Variants in ZSCAN25 observed in about 807,000 individuals in gnomAD.
ZSCAN25 encodes the protein zinc finger and SCAN domain containing 25, also known as zinc finger and SCAN domain-containing protein 25.
In ZSCAN25, 27 loss-of-function variants were observed where a neutral mutation model predicts 38.7. The ratio of observed to expected loss-of-function variants is 0.70; its 90% confidence interval spans 0.51 to 0.96. The LOEUF (loss-of-function observed/expected upper bound fraction) is 0.96, where lower values mean the gene tolerates loss of function less well. Among genes scored for constraint, ZSCAN25 ranks in the 40% least tolerant of loss-of-function variants. ZSCAN25 has a pLI of 0.00. For missense variants in ZSCAN25, 637 were observed against 705.9 expected, an observed-to-expected ratio of 0.90 and a Z score of 1.11; for synonymous variants, 273 against 277.7, an observed-to-expected ratio of 0.98 and a Z score of 0.17.
chr7:99,698,218 C>G, the ZSCAN25 span, among the ~76,000 whole-genome samples: 2 of 152,234 alleles, frequency 1.3e-5, no homozygotes, highest in African/African-American at 4.8e-5. Flanking sequence ...CCAGCATTGT[C>G]TAAGGCTAAG....
chr7:99,729,824 C>A, the ZSCAN25 span, among the ~76,000 whole-genome samples: 1 of 152,184 alleles, frequency 6.6e-6, no homozygotes, highest in African/African-American at 2.4e-5. Flanking sequence ...CCCCTATCTC[C>A]CCTTGCTGAC....
At chr7:99,691,403 C>A in the ZSCAN25 span, among the ~76,000 whole-genome samples, 3 of 152,104 alleles carry the variant, frequency 2.0e-5, no homozygotes, top group Non-Finnish European at 4.4e-5. Context: ...TGTAACAAAC[C>A]TGCACATTGT....
the ZSCAN25 span, chr7:99,735,184 C>T: frequency 6.3e-3 from 9,586 of 1,527,170 alleles, 95 homozygotes; most frequent in South Asian, 0.03. Context: ...GCTTTCCTGC[C>T]CTGCACAGCA....
chr7:99,636,387 A>T (rs562265136), downstream of ZSCAN25, among the ~76,000 whole-genome samples: 16 of 152,346 alleles, frequency 1.1e-4, no homozygotes, highest in African/African-American at 3.4e-4. Flanking sequence ...ACATGAGAAT[A>T]ACCTTTTGCA....
At chr7:99,727,987 G>A in the ZSCAN25 span, among the ~76,000 whole-genome samples, 1 of 152,194 alleles carries the variant, frequency 6.6e-6, no homozygotes, top group African/African-American at 2.4e-5. Flanking sequence ...AAGGGCCTCA[G>A]ACCCCATTGC....
chr7:99,670,132 T>C, the ZSCAN25 span, among the ~76,000 whole-genome samples: 1 of 152,196 alleles, frequency 6.6e-6, no homozygotes, highest in Non-Finnish European at 1.5e-5. Flanking sequence ...GATGGTTAAG[T>C]CAAGGCAAAA....
the ZSCAN25 span, among the ~76,000 whole-genome samples, chr7:99,686,779 C>T: frequency 6.6e-6 from 1 of 152,114 alleles, no homozygotes; most frequent in Non-Finnish European, 1.5e-5. Flanking sequence ...CAGACTGACA[C>T]CTCACACGGC....
At position 99,632,316 on chromosome 7, in the gene ZSCAN25, G is replaced by C; in HGVS notation, c.*2296G>C. ...GTTTTCTGTATTTTTCTATTCTTTA[G>C]AAATTTTTTTATAATAGATAATTTC... is the stretch of plus-strand genomic sequence containing the variant. On this transcript the variant is annotated 3_prime_UTR_variant, in exon 8 of 8. Coordinates refer to ENST00000394152, the MANE Select transcript of ZSCAN25 (RefSeq NM_145115.3). The C allele has an allele frequency of 1.1e-6, 1 of 907,484 alleles. No individual in the cohort carries two copies. Among genetic ancestry groups the C allele is most frequent in the South Asian group, 5.1e-5 (1 of 19,724 alleles). The allele number at this position is 907,484 out of a possible 1,614,324, so 56.2% of individuals were successfully genotyped here.
chr7:99,665,481 T>C, the ZSCAN25 span, among the ~76,000 whole-genome samples: 157 of 152,366 alleles, frequency 1.0e-3, no homozygotes, highest in Admixed American at 1.6e-3. Flanking sequence ...GGTGGTTATC[T>C]GGTGCCAGTG....
chr7:99,677,185 T>C, the ZSCAN25 span: 1 of 985,414 alleles, frequency 1.0e-6, no homozygotes, highest in African/African-American at 1.7e-5. Flanking sequence ...CTCCAACTGA[T>C]GGTTCTGGAT....
At chr7:99,643,497 T>A in the ZSCAN25 span, among the ~76,000 whole-genome samples, 2 of 151,970 alleles carry the variant, frequency 1.3e-5, no homozygotes, top group Non-Finnish European at 2.9e-5. Context: ...TTACAGCAAA[T>A]GCATATTGAA....
chr7:99,703,668 G>T, the ZSCAN25 span, among the ~76,000 whole-genome samples: 4 of 152,060 alleles, frequency 2.6e-5, no homozygotes, highest in Non-Finnish European at 5.9e-5. Context: ...GTTCTTCAAA[G>T]ATGAGAAGCC....
At chr7:99,732,709 C>G in the ZSCAN25 span, among the ~76,000 whole-genome samples, 8 of 152,268 alleles carry the variant, frequency 5.3e-5, no homozygotes, top group Admixed American at 4.6e-4. Flanking sequence ...CATGAATCTG[C>G]TAGTCCCACA....
Position 99,632,168 on chromosome 7 carries a change from C to G in ZSCAN25, c.*2148C>G. The G allele has an allele frequency of 1.0e-6, 1 of 985,426 alleles. No individual in the cohort carries two copies. 61.0% of individuals were successfully genotyped at this position (985,426 alleles called of 1,614,324 possible). On this transcript the variant is annotated 3_prime_UTR_variant, in exon 8 of 8. Transcript: ENST00000394152. ...CTGACTTTCCTATCTGGCCTCTTCC[C>G]TATCTCCTGTGGGGCCAAGAGCTTA... is the stretch of plus-strand genomic sequence containing the variant.
chr7:99,695,637 A>G, the ZSCAN25 span: 1 of 907,110 alleles, frequency 1.1e-6, no homozygotes, highest in Non-Finnish European at 1.7e-6. Context: ...ACTGTTTCTG[A>G]AAGTGTAAAA....
At chr7:99,725,043 AG>A in the ZSCAN25 span, among the ~76,000 whole-genome samples, 1 of 152,144 alleles carries the variant, frequency 6.6e-6, no homozygotes, top group Non-Finnish European at 1.5e-5. Context: ...TGGCAGTACA[AG>A]ATGGACTCCC....
intron 7 of ZSCAN25, among the ~76,000 whole-genome samples, chr7:99,627,842 A>G (rs1284750677): frequency 6.6e-6 from 1 of 152,038 alleles, no homozygotes; most frequent in African/African-American, 2.4e-5. Context: ...TATACTGTAT[A>G]TGTATAGTAT....
the ZSCAN25 span, among the ~76,000 whole-genome samples, chr7:99,702,008 AT>A: frequency 1.3e-5 from 2 of 150,222 alleles, no homozygotes; most frequent in Admixed American, 6.6e-5. Context: ...TTACTTCAGC[AT>A]TTTTTGTTCA....
chr7:99,677,755 T>A, the ZSCAN25 span, among the ~76,000 whole-genome samples: 3 of 152,296 alleles, frequency 2.0e-5, no homozygotes, highest in East Asian at 5.8e-4. Context: ...CCTTGGGTAT[T>A]CCCACTTCAG....
Sources: allele counts gnomAD v4.1 joint callset (sites outside exome capture counted in the v4.1 genomes callset), GRCh38; gene constraint gnomAD v4.1.1; transcripts MANE v1.5; gene names NCBI Gene and HGNC (gene_info 2026-07-23, HGNC 2026-07-21).